OPRK1: variants seen among roughly 807,000 people sequenced by gnomAD.
OPRK1 encodes kappa-type opioid receptor.
Under a neutral mutation model 24.5 loss-of-function variants are expected in OPRK1, and 15 were observed. The observed-to-expected ratio is 0.61, with a 90% CI of 0.41 to 0.94. The LOEUF (loss-of-function observed/expected upper bound fraction) is 0.94, where lower values mean the gene tolerates loss of function less well. OPRK1 is among the 40% of genes least tolerant of loss of function. OPRK1 has a pLI of 0.00. For synonymous variants in OPRK1, 205 were observed against 198.0 expected (o/e 1.04, Z -0.30); for missense variants, 479 against 507.3 (o/e 0.94, Z 0.54).
At chr8:53,242,919 G>A in intron 2 of OPRK1, 3 of 1,288,076 alleles carry the variant, frequency 2.3e-6, no homozygotes, top group Non-Finnish European at 3.0e-6. Flanking sequence ...CAACCTGTTT[G>A]GCCAATGGAG....
rs556075784 is a variant in OPRK1, at chr8:53,234,178, C to G, written c.610+581G>C. On this transcript the variant is annotated intron_variant, in intron 3 of 3. Coordinates refer to ENST00000265572, the MANE Select transcript of OPRK1 (RefSeq NM_000912.5). ...TAGCCTGGCAACAGAGCAAGACTCTCTCTCAAAAAAAAAAAAAAAAAAAAA... is the reference window on the plus strand; with the variant it reads ...TAGCCTGGCAACAGAGCAAGACTCTGTCTCAAAAAAAAAAAAAAAAAAAAA... Among the ~76,000 whole-genome samples the G allele has an allele frequency of 2.4e-4, 15 of 62,836 alleles. No individual in the cohort carries two copies. The South Asian group carries it at 9.4e-3, about 39-fold the overall frequency. The allele number at this position is 62,836 out of a possible 152,430, so 41.2% of individuals were successfully genotyped here.
intron 3 of OPRK1, among the ~76,000 whole-genome samples, chr8:53,230,925 A>G (rs1320522834): frequency 6.6e-6 from 1 of 152,244 alleles, no homozygotes; most frequent in Non-Finnish European, 1.5e-5. Context: ...TTTTTTAAAT[A>G]GCAAAACAGC....
intron 2 of OPRK1, among the ~76,000 whole-genome samples, chr8:53,239,442 T>C (rs1329942592): frequency 2.6e-5 from 4 of 152,218 alleles, no homozygotes; most frequent in Non-Finnish European, 2.9e-5. Flanking sequence ...TTCTGGCTAG[T>C]GTCTTATTCA....
At position 53,229,882 on chromosome 8, in the gene OPRK1, G is replaced by A. The variant is rs77431222; in HGVS notation, c.611-53C>T. On this transcript the variant is annotated intron_variant, in intron 3 of 3. Coordinates refer to ENST00000265572, the MANE Select transcript of OPRK1 (RefSeq NM_000912.5). ...ACAGAAACCTGTTATTGTTATTACC[G>A]TGGCTGCAAAGTGTTTTAAATATGA... 174 of 1,473,154 alleles carry A rather than the reference G, an allele frequency of 1.2e-4. No homozygotes were observed. In the East Asian group the frequency reaches 2.9e-3, roughly 25 times the overall value. The allele number at this position is 1,473,154 out of a possible 1,614,324, so 91.3% of individuals were successfully genotyped here. A position where few individuals can be genotyped will look rare whatever the true frequency, so the allele number is the denominator to read the frequency against.
intron 2 of OPRK1, among the ~76,000 whole-genome samples, chr8:53,245,908 G>A (rs1807216413): frequency 6.6e-6 from 1 of 152,178 alleles, no homozygotes. Flanking sequence ...CCCTGAGGAA[G>A]AAGAAATTCT....
At chr8:53,247,768 G>A (rs762370378) in intron 2 of OPRK1, among the ~76,000 whole-genome samples, 6 of 151,882 alleles carry the variant, frequency 4.0e-5, no homozygotes, top group African/African-American at 7.3e-5. Flanking sequence ...GGCCAAGGCC[G>A]GCAGATCACT....
chr8:53,235,766 G>A (rs73589347), intron 2 of OPRK1, among the ~76,000 whole-genome samples: 7,411 of 152,158 alleles, frequency 0.049, 224 homozygotes, highest in African/African-American at 0.08. Flanking sequence ...AAATAATTCT[G>A]TCTTTCTTTA....
chr8:53,250,975 G>C lies in OPRK1; in HGVS notation c.63C>G (p.Cys21Trp), dbSNP rs201092434. 38 of 1,602,370 alleles carry C rather than the reference G, an allele frequency of 2.4e-5. No individual in the cohort carries two copies. Among genetic ancestry groups the C allele is most frequent in the Non-Finnish European group, 3.1e-5 (37 of 1,174,908 alleles). The part of the protein sequence containing the change: ...EPGPTCAPSA[C>W]LPPNSSAWFP... ...ACCAGGCGCTGCTGTTGGGGGGCAG[G>C]CAGGCGCTCGGGGCGCAGGTAGGGC... Residue 21 changes from cysteine to tryptophan, a missense_variant, in exon 2 of 4, where the codon TGC (cysteine) becomes TGG (tryptophan). Transcript: ENST00000265572.
chr8:53,229,451 T>C lies in OPRK1; in HGVS notation c.989A>G (p.Tyr330Cys), dbSNP rs1471140960. The C allele has an allele frequency of 5.6e-6, 9 of 1,614,056 alleles. No individual in the cohort carries two copies. The Admixed American group carries it at 1.2e-4, about 21-fold the overall frequency. Residue 330 changes from tyrosine (Y) to cysteine (C), a missense_variant, in exon 4 of 4, where the codon TAC becomes TGC. Tyr to Cys is a radical substitution (Grantham distance 194). Coordinates refer to ENST00000265572, the MANE Select transcript of OPRK1 (RefSeq NM_000912.5). ...YTNSSLNPIL[Y>C]AFLDENFKRC... ...CTTGAAGTTTTCATCAAGAAAGGCG[T>C]AGAGAATGGGATTCAGGCTACTGTT...
chr8:53,244,989 C>A (rs1807197112), intron 2 of OPRK1, among the ~76,000 whole-genome samples: 2 of 152,172 alleles, frequency 1.3e-5, no homozygotes, highest in South Asian at 2.1e-4. Flanking sequence ...TGCAGATCCT[C>A]CCTTATACTC....
At chr8:53,235,962 C>CT (rs1334269228) in intron 2 of OPRK1, among the ~76,000 whole-genome samples, 3 of 152,162 alleles carry the variant, frequency 2.0e-5, no homozygotes, top group Admixed American at 6.5e-5. Flanking sequence ...TTAGAGAATG[C>CT]TTCCTCAAAT....
At position 53,251,621 on chromosome 8, in the gene OPRK1, G is replaced by T. The variant is rs1807403091; in HGVS notation, c.-222C>A. On this transcript the variant is annotated 5_prime_UTR_variant, in exon 1 of 4. Transcript: ENST00000265572. ...CCGAGCGCAGCCCCCGCCTCTCAGC[G>T]CACGTCTCCCACTACTGGCGGCGGC... 6.6e-6 allele frequency: 1 copy of T among 151,990 alleles called. No homozygotes were observed. Among genetic ancestry groups the T allele is most frequent in the Admixed American group, 6.6e-5 (1 of 15,254 alleles). The allele number at this position is 151,990 out of a possible 1,614,324, so 9.4% of individuals were successfully genotyped here.
Position 53,229,399 on chromosome 8 carries a change from T to G in OPRK1, c.1041A>C (p.Pro347=). 4 of 1,614,166 alleles carry G rather than the reference T, an allele frequency of 2.5e-6. No homozygotes were observed. The highest frequency in any genetic ancestry group is 2.5e-6 in the Non-Finnish European group (3 of 1,180,046). The change falls in exon 4 of 4, where the codon CCA becomes CCC. Residue 347 remains proline (P), a synonymous_variant. Coordinates refer to ENST00000265572, the MANE Select transcript of OPRK1 (RefSeq NM_000912.5). ...FKRCFRDFCF[P]LKMRMERQST... is the part of the protein sequence containing the mutation. ...TCTGCCGCTCCATCCTCATCTTCAGTGGAAAGCAGAAGTCCCGGAAACACC... is the reference window on the plus strand; with the variant it reads ...TCTGCCGCTCCATCCTCATCTTCAGGGGAAAGCAGAAGTCCCGGAAACACC...
chr8:53,245,977 C>T (rs1807218182), intron 2 of OPRK1, among the ~76,000 whole-genome samples: 1 of 152,178 alleles, frequency 6.6e-6, no homozygotes, highest in Non-Finnish European at 1.5e-5. Context: ...CCCACAGTCA[C>T]CTATGCCATT....
At chr8:53,239,890 G>T (rs981721946) in intron 2 of OPRK1, among the ~76,000 whole-genome samples, 15 of 152,208 alleles carry the variant, frequency 9.9e-5, no homozygotes, top group Admixed American at 6.5e-4. Context: ...GTGTTTTTCA[G>T]TTCTTGGAAT....
intron 1 of OPRK1, 105 bp downstream of exon 1, chr8:53,251,343 G>A (rs906504437): frequency 6.7e-6 from 3 of 450,662 alleles, no homozygotes; most frequent in South Asian, 6.4e-5. Context: ...ACCGGCCCCT[G>A]GTGGAACTGT....
rs767911838 is a variant in OPRK1, at chr8:53,247,990, CAAAAA to C, written c.257+2786_257+2790del. Among the ~76,000 whole-genome samples the C allele has an allele frequency of 4.6e-4, 15 of 32,360 alleles. No homozygotes were observed. The East Asian group carries it at 7.2e-3, about 16-fold the overall frequency. 21.2% of individuals were successfully genotyped at this position (32,360 alleles called of 152,430 possible). A position where few individuals can be genotyped will look rare whatever the true frequency, so the allele number is the denominator to read the frequency against. On this transcript the variant is annotated intron_variant, in intron 2 of 3. Coordinates refer to ENST00000265572, the MANE Select transcript of OPRK1 (RefSeq NM_000912.5). ...TGGGCAATAGAGCCAGATTCTGTCTCAAAAAAAAAAAAAAAAAAAAAAAAAAAAAG... is the reference window on the plus strand; with the variant it reads ...TGGGCAATAGAGCCAGATTCTGTCTCAAAAAAAAAAAAAAAAAAAAAAAAG...
chr8:53,234,686 C>T, intron 3 of OPRK1, 73 bp downstream of exon 3: 1 of 1,325,910 alleles, frequency 7.5e-7, no homozygotes, highest in Non-Finnish European at 1.1e-6. Context: ...ATGTGGCCTA[C>T]TCACGCTCAA....
At chr8:53,237,775 C>T (rs914036280) in intron 2 of OPRK1, among the ~76,000 whole-genome samples, 11 of 152,182 alleles carry the variant, frequency 7.2e-5, no homozygotes, top group African/African-American at 1.2e-4. Context: ...ACTTGATTCT[C>T]GAAACTACTG....
Sources: gnomAD v4.1 joint callset for allele counts (sites outside exome capture counted in the v4.1 genomes callset) on GRCh38, gnomAD v4.1.1 for gene constraint, MANE v1.5 for transcripts, NCBI Gene and HGNC (gene_info 2026-07-23, HGNC 2026-07-21) for gene names.